The following MKLN1 variants were observed in gnomAD, a reference collection of about 807,000 sequenced individuals.
MKLN1 encodes the protein muskelin.
MKLN1 carries 18 observed loss-of-function variants against 99.0 expected under a neutral mutation model. The ratio of observed to expected loss-of-function variants is 0.18; its 90% CI spans 0.13 to 0.27. The LOEUF (loss-of-function observed/expected upper bound fraction) is 0.27. MKLN1 is among the 10% of genes least tolerant of loss of function. The probability of loss-of-function intolerance (pLI) is 1.00; values close to 1 mark genes in which losing one functional copy is unlikely to be tolerated. For missense variants in MKLN1, 621 were observed against 875.9 expected (o/e 0.71, Z 3.67); for synonymous variants, 288 against 293.2 (o/e 0.98, Z 0.18).
intron 2 of MKLN1, among the ~76,000 whole-genome samples, chr7:131,160,436 G>A (rs897080085): frequency 7.3e-5 from 11 of 150,720 alleles, no homozygotes; most frequent in African/African-American, 1.9e-4. Flanking sequence ...ACATACCTAG[G>A]AGAATTATTC....
chr7:131,434,241 C>T (rs1352179297), intron 9 of MKLN1, among the ~76,000 whole-genome samples: 1 of 152,082 alleles, frequency 6.6e-6, no homozygotes, highest in Non-Finnish European at 1.5e-5. Context: ...ATGGTTTAGT[C>T]TCCATTTATT....
At chr7:131,369,201 T>G (rs747032737) in intron 1 of MKLN1, among the ~76,000 whole-genome samples, 4 of 152,182 alleles carry the variant, frequency 2.6e-5, no homozygotes. Context: ...ATCAAACATC[T>G]CTATCATATG....
intron 1 of MKLN1, among the ~76,000 whole-genome samples, chr7:131,362,710 C>G (rs1643762714): frequency 6.6e-6 from 1 of 151,818 alleles, no homozygotes; most frequent in African/African-American, 2.4e-5. Context: ...CCTTACTGGG[C>G]TATTTTAGCG....
At chr7:131,299,979 G>A (rs1032164944) in intron 3 of MKLN1, among the ~76,000 whole-genome samples, 4 of 152,122 alleles carry the variant, frequency 2.6e-5, no homozygotes, top group South Asian at 2.1e-4. Context: ...AAGTTATCTC[G>A]GGGTAAACTC....
intron 2 of MKLN1, among the ~76,000 whole-genome samples, chr7:131,161,886 G>C (rs1214182665): frequency 1.3e-5 from 2 of 150,002 alleles, no homozygotes; most frequent in Non-Finnish European, 3.0e-5. Context: ...TAGTAACTCT[G>C]AACACATTGT....
chr7:131,161,961 G>GTATATA (rs1354726086), intron 2 of MKLN1, among the ~76,000 whole-genome samples: 2 of 81,092 alleles, frequency 2.5e-5, no homozygotes, highest in African/African-American at 1.2e-4. Context: ...GTGTGTGTGT[G>GTATATA]TGTATATATA....
chr7:131,340,589 A>G (rs1379920872), intron 1 of MKLN1, among the ~76,000 whole-genome samples: 2 of 152,088 alleles, frequency 1.3e-5, no homozygotes, highest in Admixed American at 6.6e-5. Flanking sequence ...TCCTGTAATT[A>G]TGTATTAAAA....
At chr7:131,296,632 T>C (rs1372881582) in intron 3 of MKLN1, among the ~76,000 whole-genome samples, 1 of 152,198 alleles carries the variant, frequency 6.6e-6, no homozygotes, top group Admixed American at 6.5e-5. Context: ...CTCACACCTG[T>C]AATCCTAATT....
intron 1 of MKLN1, among the ~76,000 whole-genome samples, chr7:131,342,152 G>GT (rs1276555458): frequency 1.4e-5 from 2 of 147,720 alleles, no homozygotes; most frequent in African/African-American, 5.0e-5. Flanking sequence ...CAGATTTTTT[G>GT]TTGATTTTTT....
intron 3 of MKLN1, among the ~76,000 whole-genome samples, chr7:131,256,384 A>C (rs2116526682): frequency 6.6e-6 from 1 of 152,374 alleles, no homozygotes; most frequent in East Asian, 1.9e-4. Flanking sequence ...ATAGAAGAAC[A>C]AAAAGGACTA....
chr7:131,411,092 G>GTCAATTGTT (rs1439706049), intron 6 of MKLN1, among the ~76,000 whole-genome samples: 2 of 152,100 alleles, frequency 1.3e-5, no homozygotes, highest in Non-Finnish European at 2.9e-5. Context: ...AAAGCAATTT[G>GTCAATTGTT]TTTGCATGGT....
intron 4 of MKLN1, among the ~76,000 whole-genome samples, chr7:131,392,073 G>T (rs1794211466): frequency 3.3e-5 from 5 of 152,208 alleles, no homozygotes; most frequent in Admixed American, 3.3e-4. Context: ...CAGGAGATTA[G>T]ATCAGAGGAA....
intron 3 of MKLN1, among the ~76,000 whole-genome samples, chr7:131,214,313 A>C (rs1396867071): frequency 6.6e-6 from 1 of 150,606 alleles, no homozygotes; most frequent in Non-Finnish European, 1.5e-5. Context: ...CTTCTGTTGC[A>C]TGTCTTGGCA....
intron 3 of MKLN1, among the ~76,000 whole-genome samples, chr7:131,255,047 C>A (rs751291693): frequency 6.6e-5 from 10 of 151,984 alleles, no homozygotes; most frequent in Non-Finnish European, 1.5e-4. Flanking sequence ...TGCCATCATA[C>A]CTGGCTAGTT....
chr7:131,123,968 C>T (rs1311360234), intron 1 of MKLN1, among the ~76,000 whole-genome samples: 5 of 152,140 alleles, frequency 3.3e-5, no homozygotes, highest in Non-Finnish European at 2.9e-5. Context: ...TAAATGCAGT[C>T]TTTTAAAGCA....
chr7:131,314,220 G>T (rs1798621403), intron 3 of MKLN1, among the ~76,000 whole-genome samples: 1 of 152,154 alleles, frequency 6.6e-6, no homozygotes. Flanking sequence ...CGATACAAAA[G>T]AGAGCAGAGT....
At chr7:131,299,335 G>A (rs750221167) in intron 3 of MKLN1, among the ~76,000 whole-genome samples, 1 of 152,048 alleles carries the variant, frequency 6.6e-6, no homozygotes, top group Non-Finnish European at 1.5e-5. Context: ...ATTGAACAGA[G>A]AACCATTTTT....
chr7:131,413,694 C>T (rs185833230), intron 7 of MKLN1, among the ~76,000 whole-genome samples: 1 of 152,228 alleles, frequency 6.6e-6, no homozygotes, highest in Non-Finnish European at 1.5e-5. Flanking sequence ...CACCCACCAC[C>T]ATGCCCGGCT....
intron 3 of MKLN1, chr7:131,243,018 C>A: frequency 8.9e-6 from 5 of 562,158 alleles, no homozygotes; most frequent in South Asian, 4.5e-5. Context: ...TCGTTTTGGT[C>A]ATTAAAAATT....
Sources: allele counts gnomAD v4.1 joint callset (sites outside exome capture counted in the v4.1 genomes callset), GRCh38; gene constraint gnomAD v4.1.1; transcripts MANE v1.5; gene names NCBI Gene and HGNC (gene_info 2026-07-23, HGNC 2026-07-21).